APLF: variants seen among roughly 807,000 people sequenced by gnomAD.
The protein encoded by APLF is aprataxin and PNK-like factor.
A neutral mutation model predicts 55.6 loss-of-function variants in APLF; 61 were observed. The ratio of observed to expected loss-of-function variants is 1.10; its 90% CI spans 0.89 to 1.36. The LOEUF (loss-of-function observed/expected upper bound fraction) is 1.36, where lower values mean the gene tolerates loss of function less well. APLF is among the 40% of genes most tolerant of loss of function. The probability of loss-of-function intolerance (pLI) is 0.00; values close to 1 mark genes in which losing one functional copy is unlikely to be tolerated. For missense variants in APLF, 611 were observed against 602.5 expected (o/e 1.01, Z -0.15); for synonymous variants, 207 against 214.8 (o/e 0.96, Z 0.32).
At chr2:68,556,256 C>A (rs1437486694) in intron 8 of APLF, among the ~76,000 whole-genome samples, 5 of 152,276 alleles carry the variant, frequency 3.3e-5, no homozygotes, top group South Asian at 2.1e-4. Context: ...GCAGTGTATG[C>A]TGCTCGGGTG....
chr2:68,575,989 A>G (rs560811029), intron 9 of APLF, among the ~76,000 whole-genome samples: 6 of 152,272 alleles, frequency 3.9e-5, no homozygotes, highest in East Asian at 3.9e-4. Flanking sequence ...TAAAATTTAG[A>G]GATTAGGATG....
intron 2 of APLF, among the ~76,000 whole-genome samples, chr2:68,496,261 C>T (rs1676543454): frequency 6.6e-6 from 1 of 151,946 alleles, no homozygotes; most frequent in East Asian, 1.9e-4. Context: ...GTCACCACGC[C>T]CGGCTAATTT....
intron 2 of APLF, among the ~76,000 whole-genome samples, chr2:68,496,256 C>G (rs1015911738): frequency 9.2e-5 from 14 of 152,238 alleles, no homozygotes. Context: ...CGCGTGTCAC[C>G]ACGCCCGGCT....
rs1461163934 is a variant in APLF, at chr2:68,502,715, T to G, written c.169-16T>G. 1.5e-6 allele frequency: 2 copies of G among 1,371,180 alleles called. No homozygotes were observed. The highest frequency in any genetic ancestry group is 3.8e-5 in the South Asian group (2 of 52,662). The allele number at this position is 1,371,180 out of a possible 1,614,324, so 84.9% of individuals were successfully genotyped here. On this transcript the variant is annotated splice_polypyrimidine_tract_variant and intron_variant, in intron 2 of 9. Transcript: ENST00000303795. The stretch of plus-strand genomic sequence containing the variant: ...TTCTTTTTTAAATTTAATTATATTC[T>G]TTTTTAATTTGTTAGATACACACAA...
Position 68,556,128 on chromosome 2 carries a change from CAT to C in APLF, c.1286+10819_1286+10820del, listed in dbSNP as rs1179635705. Among the ~76,000 whole-genome samples the C allele has an allele frequency of 2.6e-5, 4 of 152,114 alleles. No individual in the cohort carries two copies. In the South Asian group the frequency reaches 6.2e-4, roughly 24 times the overall value. ...AAACCAAACATGGTATGTTCTCACTCATATGTGGGAGCTAAGCTGTGAGGATG... is the reference window on the plus strand; with the variant it reads ...AAACCAAACATGGTATGTTCTCACTCATGTGGGAGCTAAGCTGTGAGGATG... On this transcript the variant is annotated intron_variant, in intron 8 of 9. Coordinates refer to ENST00000303795, the MANE Select transcript of APLF (RefSeq NM_173545.3).
rs72901941 is a variant in APLF, at chr2:68,523,580, T to A, written c.623-2481T>A. On this transcript the variant is annotated intron_variant, in intron 5 of 9. Coordinates refer to ENST00000303795, the MANE Select transcript of APLF (RefSeq NM_173545.3). ...AGTTAATATAGCTGTTTGGGAGTAGTTCCTCTAGAAGGTAAGATTGGATGG... is the reference window on the plus strand; with the variant it reads ...AGTTAATATAGCTGTTTGGGAGTAGATCCTCTAGAAGGTAAGATTGGATGG... Among the ~76,000 whole-genome samples the A allele has an allele frequency of 8.7e-3, 1,323 of 152,022 alleles. 15 individuals are homozygous for A. Among genetic ancestry groups the A allele is most frequent in the African/African-American group, 0.03 (1,258 of 41,524 alleles).
intron 3 of APLF, among the ~76,000 whole-genome samples, chr2:68,512,573 C>A (rs1573197612): frequency 6.6e-6 from 1 of 151,766 alleles, no homozygotes; most frequent in Admixed American, 6.6e-5. Context: ...TGTTCCTGTT[C>A]CAGAACATTT....
chr2:68,497,622 A>G (rs1213222642), intron 2 of APLF, among the ~76,000 whole-genome samples: 1 of 151,788 alleles, frequency 6.6e-6, no homozygotes, highest in Admixed American at 6.6e-5. Context: ...TTAGGTGAAA[A>G]CAGACTAATA....
At chr2:68,500,502 C>T (rs1273737950) in intron 2 of APLF, among the ~76,000 whole-genome samples, 2 of 152,154 alleles carry the variant, frequency 1.3e-5, no homozygotes, top group Non-Finnish European at 2.9e-5. Flanking sequence ...TTACCTTTTC[C>T]AGTCTTAAAC....
At chr2:68,510,867 T>C (rs541556854) in intron 3 of APLF, among the ~76,000 whole-genome samples, 1 of 151,936 alleles carries the variant, frequency 6.6e-6, no homozygotes, top group African/African-American at 2.4e-5. Context: ...TATTTACATA[T>C]GCTACAACAC....
rs751648331 is a variant in APLF, at chr2:68,578,111, T to C, written c.*89T>C. The C allele has an allele frequency of 3.9e-5, 58 of 1,475,226 alleles. No individual in the cohort carries two copies. Among genetic ancestry groups the C allele is most frequent in the Non-Finnish European group, 4.8e-5 (54 of 1,117,846 alleles). The allele number at this position is 1,475,226 out of a possible 1,614,324, so 91.4% of individuals were successfully genotyped here. A position where few individuals can be genotyped will look rare whatever the true frequency, so the allele number is the denominator to read the frequency against. Reference sequence around the variant, plus strand: ...AACTAAGGAGGTACTTAAGTGACAGTTATTTTCCTTCTTTTGATAGTTAAT... The same window carrying C: ...AACTAAGGAGGTACTTAAGTGACAGCTATTTTCCTTCTTTTGATAGTTAAT... On this transcript the variant is annotated 3_prime_UTR_variant, in exon 10 of 10. Transcript: ENST00000303795.
chr2:68,493,693 G>A (rs1298878885), intron 2 of APLF, among the ~76,000 whole-genome samples: 5 of 152,354 alleles, frequency 3.3e-5, no homozygotes, highest in Non-Finnish European at 1.5e-5. Context: ...TCTGTGTGCT[G>A]TGGCTCACAC....
intron 8 of APLF, among the ~76,000 whole-genome samples, chr2:68,560,213 T>C (rs1001677659): frequency 6.6e-6 from 1 of 152,140 alleles, no homozygotes; most frequent in African/African-American, 2.4e-5. Context: ...ATTTGTTTAC[T>C]GTCTTATCCA....
intron 1 of APLF, among the ~76,000 whole-genome samples, chr2:68,474,381 C>G (rs1285216490): frequency 2.6e-5 from 4 of 152,174 alleles, no homozygotes; most frequent in African/African-American, 7.2e-5. Flanking sequence ...CTTGGTCTTT[C>G]CAGTGACTAG....
At position 68,526,136 on chromosome 2, in the gene APLF, G is replaced by C; in HGVS notation, c.698G>C (p.Arg233Thr). The change falls in exon 6 of 10, where the codon AGA becomes ACA. Residue 233 changes from arginine (R) to threonine (T), a missense_variant. Transcript: ENST00000303795. ...CAGCTAAACACAACCCAGCAAGGAAGAAGGCAATTAATTTCATCAGGAAGT... is the reference window on the plus strand; with the variant it reads ...CAGCTAAACACAACCCAGCAAGGAACAAGGCAATTAATTTCATCAGGAAGT... ...KSQLNTTQQG[R>T]RQLISSGSSE... 1 of 1,613,980 alleles carries C rather than the reference G, an allele frequency of 6.2e-7. No homozygotes were observed.
At position 68,550,786 on chromosome 2, in the gene APLF, A is replaced by T. The variant is rs1353736361; in HGVS notation, c.1286+5474A>T. On this transcript the variant is annotated intron_variant, in intron 8 of 9. Transcript: ENST00000303795. ...ATTTCCCAAACAGTGCAAGAACCTT[A>T]CATCACTTTAATTTCATTTACTTCC... is the stretch of plus-strand genomic sequence containing the variant. Among the ~76,000 whole-genome samples the T allele has an allele frequency of 2.0e-5, 3 of 152,126 alleles. No individual in the cohort carries two copies. The East Asian group carries it at 5.8e-4, about 29-fold the overall frequency.
intron 7 of APLF, among the ~76,000 whole-genome samples, chr2:68,544,172 T>A (rs1670634515): frequency 6.6e-6 from 1 of 151,988 alleles, no homozygotes; most frequent in Non-Finnish European, 1.5e-5. Context: ...AGAGATGGGG[T>A]TTCACCGTGT....
At chr2:68,469,006 GTGTGTGTGTGTGTGTT>G (rs1415649605) in intron 1 of APLF, among the ~76,000 whole-genome samples, 1 of 147,638 alleles carries the variant, frequency 6.8e-6, no homozygotes, top group Non-Finnish European at 1.5e-5. Flanking sequence ...GTGTGTGTGT[GTGTGTGTGTGTGTGTT>G]GTGTGTTGTG....
At chr2:68,519,963 T>G (rs1348831110) in intron 5 of APLF, among the ~76,000 whole-genome samples, 1 of 151,804 alleles carries the variant, frequency 6.6e-6, no homozygotes, top group Non-Finnish European at 1.5e-5. Context: ...TTTCACCACA[T>G]CCACACCAAC....
Sources: allele counts gnomAD v4.1 joint callset (sites outside exome capture counted in the v4.1 genomes callset), GRCh38; gene constraint gnomAD v4.1.1; transcripts MANE v1.5; gene names NCBI Gene and HGNC (gene_info 2026-07-23, HGNC 2026-07-21).